The following PPP1R3F variants were observed in gnomAD, a reference collection of about 807,000 sequenced individuals.
PPP1R3F encodes the protein protein phosphatase 1 regulatory subunit 3F.
PPP1R3F carries 29 observed loss-of-function variants against 24.2 expected under a neutral mutation model. The observed-to-expected ratio is 1.20, with a 90% confidence interval of 0.89 to 1.63. The LOEUF (loss-of-function observed/expected upper bound fraction) is 1.63. Among genes scored for constraint, PPP1R3F ranks in the 40% most tolerant of loss-of-function variants. The probability of loss-of-function intolerance (pLI) is 0.00; values close to 1 mark genes in which losing one functional copy is unlikely to be tolerated. For missense variants in PPP1R3F, 823 were observed against 729.3 expected (o/e 1.13, Z -1.48); for synonymous variants, 363 against 340.1 (o/e 1.07, Z -0.74).
Position 49,270,555 on chromosome X carries a change from C to T in PPP1R3F, c.686C>T (p.Ala229Val), listed in dbSNP as rs782147212. The T allele has an allele frequency of 5.0e-6, 6 of 1,203,789 alleles. No homozygotes were observed. The South Asian group carries it at 8.8e-5, about 18-fold the overall frequency. ...DPGLGLGPGQ[A>V]SASSPDDGGR... is the part of the protein sequence containing the mutation. ...GGGCTCGGCCTGGGTCCCGGCCAGG[C>T]ATCCGCCTCCTCGCCCGACGACGGC... The change falls in exon 1 of 4, where the codon GCA becomes GTA. Residue 229 changes from alanine (A) to valine (V), a missense_variant. Transcript: ENST00000055335.
chrX:49,295,439 C>T (rs930591466), intron 3 of PPP1R3F, among the ~76,000 whole-genome samples: 4 of 112,210 alleles, frequency 3.6e-5, no homozygotes, highest in Admixed American at 1.9e-4. Context: ...CCACTGCACC[C>T]GGTCACATTG....
At chrX:49,282,738 G>GT (rs56812762) in intron 3 of PPP1R3F, among the ~76,000 whole-genome samples, 7,794 of 109,272 alleles carry the variant, frequency 0.071, 707 homozygotes, top group African/African-American at 0.25. Context: ...CGGGGTGAGG[G>GT]AGAGAGGTGG....
At chrX:49,293,012 G>T (rs781811831), downstream of PPP1R3F, among the ~76,000 whole-genome samples, 4 of 112,096 alleles carry the variant, frequency 3.6e-5, no homozygotes, top group Admixed American at 3.8e-4. Context: ...GGACAGTCAG[G>T]TGGGGGAAGT....
At chrX:49,280,353 A>T (rs1312094123) in intron 1 of PPP1R3F, among the ~76,000 whole-genome samples, 3 of 110,566 alleles carry the variant, frequency 2.7e-5, no homozygotes, top group African/African-American at 9.9e-5. Flanking sequence ...GGTTCAAGCG[A>T]TTTTCCTGCC....
chrX:49,279,764 G>A (rs1485953104), intron 1 of PPP1R3F, among the ~76,000 whole-genome samples: 4 of 112,566 alleles, frequency 3.6e-5, no homozygotes, highest in Non-Finnish European at 5.6e-5. Flanking sequence ...GTGGGCATTC[G>A]CCCCAGCTCC....
chrX:49,274,291 A>G (rs1557119749), intron 1 of PPP1R3F: 1 of 111,340 alleles, frequency 9.0e-6, no homozygotes, highest in Non-Finnish European at 1.9e-5. Flanking sequence ...TTCTTCTTAA[A>G]AGTAAAGACC....
chrX:49,287,185 A>C lies in PPP1R3F; in HGVS notation c.*95A>C, dbSNP rs1273309740. The C allele has an allele frequency of 2.2e-6, 2 of 903,538 alleles. No individual in the cohort carries two copies. The highest frequency in any genetic ancestry group is 5.7e-5 in the Admixed American group (2 of 34,798). The allele number at this position is 903,538 out of a possible 1,213,427, so 74.5% of individuals were successfully genotyped here. The stretch of plus-strand genomic sequence containing the variant: ...CTTTGCTTCTGAGAATGCTCAACTG[A>C]AAGAGAGGCCTTCTCATCCCCAAGC... On this transcript the variant is annotated 3_prime_UTR_variant, in exon 4 of 4. Coordinates refer to ENST00000055335, the MANE Select transcript of PPP1R3F (RefSeq NM_033215.5).
At chrX:49,285,675 A>G (rs1267480872) in intron 3 of PPP1R3F, among the ~76,000 whole-genome samples, 159 bp from the exon 4 acceptor site, 2 of 112,109 alleles carry the variant, frequency 1.8e-5, no homozygotes, top group Middle Eastern at 4.6e-3. Flanking sequence ...TTTGGAGTCT[A>G]GACAGTGACA....
Position 49,269,837 on chromosome X carries a change from G to A in PPP1R3F, c.-33G>A. 1.5e-5 allele frequency: 13 copies of A among 868,489 alleles called. No individual in the cohort carries two copies. Among genetic ancestry groups the A allele is most frequent in the Non-Finnish European group, 1.8e-5 (13 of 707,921 alleles). 71.6% of individuals were successfully genotyped at this position (868,489 alleles called of 1,213,427 possible). A position where few individuals can be genotyped will look rare whatever the true frequency, so the allele number is the denominator to read the frequency against. On this transcript the variant is annotated 5_prime_UTR_variant, in exon 1 of 4. Coordinates refer to ENST00000055335, the MANE Select transcript of PPP1R3F (RefSeq NM_033215.5). ...AGGCCCTGCCCCCGCCGGTCCCGCCGCCGGTGCCGTCGGTGCCGCCGCCGC... is the reference window on the plus strand; with the variant it reads ...AGGCCCTGCCCCCGCCGGTCCCGCCACCGGTGCCGTCGGTGCCGCCGCCGC...
intron 3 of PPP1R3F, among the ~76,000 whole-genome samples, chrX:49,299,415 G>T (rs1327128569): frequency 9.0e-6 from 1 of 111,674 alleles, no homozygotes; most frequent in Non-Finnish European, 1.9e-5. Context: ...CCAGATGCCA[G>T]CCGGAGCTCT....
In PPP1R3F at chrX:49,269,873, G is replaced by A; in HGVS notation, c.4G>A (p.Ala2Thr). 2.2e-6 allele frequency: 2 copies of A among 895,755 alleles called. No homozygotes were observed. Among genetic ancestry groups the A allele is most frequent in the Non-Finnish European group, 1.4e-6 (1 of 728,690 alleles). The allele number at this position is 895,755 out of a possible 1,213,427, so 73.8% of individuals were successfully genotyped here. ...CGGTGCCGCCGCCGCCGCCGATATGGCGCGTACGGCCCCTGTGGAGCCCCC... is the reference window on the plus strand; with the variant it reads ...CGGTGCCGCCGCCGCCGCCGATATGACGCGTACGGCCCCTGTGGAGCCCCC... Reference protein sequence around the residue: MARTAPVEPPLR... With the variant: MTRTAPVEPPLR... Residue 2 changes from alanine to threonine, a missense_variant, in exon 1 of 4, where the codon GCG becomes ACG. Transcript: ENST00000055335.
intron 3 of PPP1R3F, among the ~76,000 whole-genome samples, chrX:49,284,653 A>G (rs1389792449): frequency 1.8e-5 from 2 of 109,094 alleles, no homozygotes; most frequent in Non-Finnish European, 3.8e-5. Context: ...CTGGGATTAC[A>G]GGCACATGCC....
chrX:49,292,021 C>T (rs781839172), downstream of PPP1R3F, among the ~76,000 whole-genome samples: 4 of 111,960 alleles, frequency 3.6e-5, no homozygotes, highest in African/African-American at 9.7e-5. Flanking sequence ...TCTCCAACAG[C>T]GCAGCCATGG....
intron 1 of PPP1R3F, 24 bp downstream of exon 1, chrX:49,270,897 C>T (rs781821285): frequency 3.3e-5 from 38 of 1,149,989 alleles, no homozygotes; most frequent in Non-Finnish European, 4.1e-5. Context: ...GCGCCACCTC[C>T]GCCAACGCAG....
intron 1 of PPP1R3F, among the ~76,000 whole-genome samples, chrX:49,272,089 C>T (rs939970144): frequency 2.7e-5 from 3 of 112,166 alleles, no homozygotes; most frequent in African/African-American, 6.5e-5. Context: ...TGTATGTATA[C>T]GCTTGGTCAG....
In PPP1R3F at chrX:49,270,728, A is replaced by T; in HGVS notation, c.859A>T (p.Ile287Phe). ...CCGCAACTACACAGTCCTGCTCCGGATCGCACCCGCTCCCACACCCACTGA... is the reference window on the plus strand; with the variant it reads ...CCGCAACTACACAGTCCTGCTCCGGTTCGCACCCGCTCCCACACCCACTGA... ...HGRNYTVLLR[I>F]APAPTPTDAE... The change falls in exon 1 of 4, where the codon ATC (isoleucine) becomes TTC (phenylalanine). Residue 287 changes from isoleucine (I) to phenylalanine (F), a missense_variant. By Grantham distance (21) the Ile-to-Phe change is conservative. Transcript: ENST00000055335. The T allele has an allele frequency of 2.5e-6, 3 of 1,205,546 alleles. No homozygotes were observed. Among genetic ancestry groups the T allele is most frequent in the South Asian group, 1.8e-5 (1 of 55,982 alleles).
intron 3 of PPP1R3F, among the ~76,000 whole-genome samples, chrX:49,293,761 C>T (rs782776650): frequency 1.8e-5 from 2 of 112,158 alleles, no homozygotes; most frequent in Admixed American, 9.4e-5. Context: ...TTTGGGAGGC[C>T]GAGGTGGGAG....
At chrX:49,277,460 A>C (rs1281450225) in intron 1 of PPP1R3F, among the ~76,000 whole-genome samples, 1 of 112,707 alleles carries the variant, frequency 8.9e-6, no homozygotes, top group African/African-American at 3.2e-5. Context: ...AGGGGATGCC[A>C]CGTGGTACTT....
In PPP1R3F at chrX:49,287,000, G is replaced by T; in HGVS notation, c.2310G>T (p.Leu770=). ...CCTTGACCCAGACTCTGGGGGTCCTGGCCGGGCTAGTGGTGGTCCCTGTGG... is the reference window on the plus strand; with the variant it reads ...CCTTGACCCAGACTCTGGGGGTCCTTGCCGGGCTAGTGGTGGTCCCTGTGG... The part of the protein sequence containing the change: ...RGPLTQTLGV[L]AGLVVVPVAL... Residue 770 remains leucine, a synonymous_variant, in exon 4 of 4, where the codon CTG becomes CTT. Transcript: ENST00000055335. 1 of 1,212,000 alleles carries T rather than the reference G, an allele frequency of 8.3e-7. No homozygotes were observed. Among genetic ancestry groups the T allele is most frequent in the Non-Finnish European group, 1.1e-6 (1 of 895,547 alleles).
Sources: gnomAD v4.1 joint callset for allele counts (sites outside exome capture counted in the v4.1 genomes callset) on GRCh38, gnomAD v4.1.1 for gene constraint, MANE v1.5 for transcripts, NCBI Gene and HGNC (gene_info 2026-07-23, HGNC 2026-07-21) for gene names.